Variants in KIAA1549L observed in about 807,000 individuals in gnomAD.
KIAA1549L encodes KIAA1549 like.
Under a neutral mutation model 160.7 loss-of-function variants are expected in KIAA1549L, and 88 were observed. The observed-to-expected ratio is 0.55, with a 90% CI of 0.46 to 0.65. The LOEUF is 0.65. Ranked by LOEUF, KIAA1549L falls within the 30% of genes least tolerant of loss-of-function variation. The pLI is 0.00. For synonymous variants in KIAA1549L, 950 were observed against 976.7 expected (o/e 0.97, Z 0.51); for missense variants, 2,258 against 2,437.5 (o/e 0.93, Z 1.55).
rs1356780860 is a variant in KIAA1549L, at chr11:33,384,727, T to TTCCATG, written c.238+7839_238+7840insCCATGT. Among the ~76,000 whole-genome samples the TTCCATG allele has an allele frequency of 1.2e-4, 18 of 152,284 alleles. No individual in the cohort carries two copies. In the East Asian group the frequency reaches 3.5e-3, roughly 29 times the overall value. On this transcript the variant is annotated intron_variant, in intron 1 of 20. Coordinates refer to ENST00000658780, the MANE Select transcript of KIAA1549L (RefSeq NM_012194.3). ...ACTAATAATTTTATTGTTGCATATC[T>TTCCATG]TTTCATGTTCTTACTTGCCATCTAT...
At chr11:33,661,112 C>T in intron 20 of KIAA1549L, 98 bp downstream of exon 20, 1 of 1,220,926 alleles carries the variant, frequency 8.2e-7, no homozygotes, top group Non-Finnish European at 1.1e-6. Context: ...TTTGTTATCT[C>T]AGCCTCCTCA....
At chr11:33,567,986 G>A (rs1855107457) in intron 8 of KIAA1549L, 90 bp from the exon 9 acceptor site, 4 of 1,349,128 alleles carry the variant, frequency 3.0e-6, no homozygotes, top group Non-Finnish European at 3.9e-6. Context: ...GTGGCCCTTG[G>A]TGGCCTGTGC....
At chr11:33,398,950 G>GTTTTT (rs71034680) in intron 1 of KIAA1549L, among the ~76,000 whole-genome samples, 1 of 140,012 alleles carries the variant, frequency 7.1e-6, no homozygotes, top group Non-Finnish European at 1.6e-5. Context: ...TCCAGTGAGT[G>GTTTTT]TTTTTTTTTT....
intron 15 of KIAA1549L, among the ~76,000 whole-genome samples, chr11:33,615,225 G>C (rs1323544836): frequency 2.0e-5 from 3 of 152,092 alleles, no homozygotes; most frequent in African/African-American, 7.2e-5. Flanking sequence ...GAGTTGCTCT[G>C]ATGGAAGCTG....
In KIAA1549L at chr11:33,544,054, C is replaced by T; in HGVS notation, c.2491C>T (p.His831Tyr). The T allele has an allele frequency of 6.2e-7, 1 of 1,613,998 alleles. No individual in the cohort carries two copies. The highest frequency in any genetic ancestry group is 8.5e-7 in the Non-Finnish European group (1 of 1,179,892). ...ACCCACAACTCGACATTCCGTGTCTCATCCTCAGCTACAGTTGCCCAACCA... is the reference window on the plus strand; with the variant it reads ...ACCCACAACTCGACATTCCGTGTCTTATCCTCAGCTACAGTTGCCCAACCA... The part of the protein sequence containing the change: ...YSPTTRHSVS[H>Y]PQLQLPNQPA... Residue 831 changes from histidine (H) to tyrosine (Y), a missense_variant, in exon 2 of 21, where the codon CAT (histidine) becomes TAT (tyrosine). Physicochemically the swap from His to Tyr is moderately conservative, Grantham distance 83 (BLOSUM62 2). Around this residue, in one of 6 missense-constraint regions of KIAA1549L, gnomAD observed 287 missense variants for 292.3 expected, o/e 0.98. Coordinates refer to ENST00000658780, the MANE Select transcript of KIAA1549L (RefSeq NM_012194.3).
In KIAA1549L at chr11:33,524,659, T is replaced by G. The variant is rs184007918; in HGVS notation, c.239-17143T>G. 3.2e-3 allele frequency among the ~76,000 whole-genome samples: 488 copies of G among 152,334 alleles called. 1 individual carries two copies. Among genetic ancestry groups the G allele is most frequent in the Non-Finnish European group, 5.2e-3 (353 of 68,028 alleles). On this transcript the variant is annotated intron_variant, in intron 1 of 20. Coordinates refer to ENST00000658780, the MANE Select transcript of KIAA1549L (RefSeq NM_012194.3). Reference sequence around the variant, plus strand: ...TGTTGGGAGAGTGTTAAAAATTCTTTGACTTAAAAAATATGTATAAAGGGT... The same window carrying G: ...TGTTGGGAGAGTGTTAAAAATTCTTGGACTTAAAAAATATGTATAAAGGGT...
rs986289864 is a variant in KIAA1549L at position 33,574,715 on chromosome 11, A to G, written c.4244A>G (p.Gln1415Arg). The G allele has an allele frequency of 2.5e-6, 4 of 1,610,444 alleles. No individual in the cohort carries two copies. Among genetic ancestry groups the G allele is most frequent in the Admixed American group, 3.4e-5 (2 of 59,520 alleles). The change falls in exon 10 of 21, where the codon CAG (glutamine) becomes CGG (arginine). Residue 1415 changes from glutamine (Q) to arginine (R), a missense_variant. Around this residue, in one of 6 missense-constraint regions of KIAA1549L, gnomAD observed 1,359 missense variants for 1,546.6 expected, o/e 0.88. Transcript: ENST00000658780. ...GSYTVQMVKMQRVPGPKDPAE... is the reference protein window; with the variant it reads ...GSYTVQMVKMRRVPGPKDPAE... ...TTTTTCCGAAAGATGGTGAAGATGCAGCGTGTCCCAGGCCCGAAGGACCCA... is the reference window on the plus strand; with the variant it reads ...TTTTTCCGAAAGATGGTGAAGATGCGGCGTGTCCCAGGCCCGAAGGACCCA...
intron 1 of KIAA1549L, among the ~76,000 whole-genome samples, chr11:33,467,058 C>T (rs142135395): frequency 7.9e-4 from 120 of 152,216 alleles, no homozygotes; most frequent in Non-Finnish European, 1.4e-3. Flanking sequence ...ACCTGGCACA[C>T]GTATACTTAT....
At chr11:33,446,672 T>C (rs1033157177) in intron 1 of KIAA1549L, among the ~76,000 whole-genome samples, 3 of 152,140 alleles carry the variant, frequency 2.0e-5, no homozygotes, top group African/African-American at 7.2e-5. Flanking sequence ...AGGATACTTT[T>C]TTTTTTTAAA....
At chr11:33,531,808 C>T (rs2133151467) in intron 1 of KIAA1549L, among the ~76,000 whole-genome samples, 1 of 152,306 alleles carries the variant, frequency 6.6e-6, no homozygotes, top group South Asian at 2.1e-4. Context: ...TGGGTGGATG[C>T]TTCAGCATAG....
At chr11:33,616,984 C>A (rs1391902832) in intron 15 of KIAA1549L, among the ~76,000 whole-genome samples, 2 of 151,778 alleles carry the variant, frequency 1.3e-5, no homozygotes, top group Admixed American at 1.3e-4. Context: ...ACAAAAATTA[C>A]AAAAAAATTA....
chr11:33,397,708 TCTCACACACACACACACACA>T (rs1335030884), intron 1 of KIAA1549L, among the ~76,000 whole-genome samples: 12 of 98,948 alleles, frequency 1.2e-4, no homozygotes, highest in African/African-American at 3.6e-4. Flanking sequence ...CGAGACTCCA[TCTCACACACACACACACACA>T]CACACACACA....
intron 1 of KIAA1549L, among the ~76,000 whole-genome samples, chr11:33,469,390 T>C (rs912819856): frequency 3.3e-5 from 5 of 152,132 alleles, no homozygotes; most frequent in Admixed American, 6.5e-5. Context: ...CTGAATACTA[T>C]GAATATAATG....
intron 1 of KIAA1549L, among the ~76,000 whole-genome samples, chr11:33,398,774 C>G (rs912125674): frequency 2.0e-5 from 3 of 152,184 alleles, no homozygotes; most frequent in African/African-American, 7.2e-5. Flanking sequence ...TTTACAAATA[C>G]ATTTGTAACC....
chr11:33,501,662 C>CT (rs1342027893), intron 1 of KIAA1549L, among the ~76,000 whole-genome samples: 17 of 152,068 alleles, frequency 1.1e-4, no homozygotes, highest in African/African-American at 4.1e-4. Flanking sequence ...AGATAATTAT[C>CT]TTTTTTTCTG....
intron 6 of KIAA1549L, among the ~76,000 whole-genome samples, chr11:33,558,366 A>G (rs1450043692): frequency 6.6e-6 from 1 of 152,140 alleles, no homozygotes; most frequent in Non-Finnish European, 1.5e-5. Flanking sequence ...CAGCTGCCTG[A>G]TGGGAGTGAG....
chr11:33,564,244 A>G (rs1262979693), intron 8 of KIAA1549L, among the ~76,000 whole-genome samples: 1 of 152,204 alleles, frequency 6.6e-6, no homozygotes, highest in Non-Finnish European at 1.5e-5. Flanking sequence ...CCAAAAGGGT[A>G]GAGGATAGGG....
At chr11:33,600,858 T>C (rs1590385533) in intron 13 of KIAA1549L, among the ~76,000 whole-genome samples, 1 of 152,166 alleles carries the variant, frequency 6.6e-6, no homozygotes, top group East Asian at 1.9e-4. Context: ...GAATACACAT[T>C]TGCAAAGTGA....
In KIAA1549L at chr11:33,547,865, G is replaced by A. The variant is rs757339435; in HGVS notation, c.3487G>A (p.Asp1163Asn). The change falls in exon 4 of 21, where the codon GAT (aspartate) becomes AAT (asparagine). Residue 1163 changes from aspartate (D) to asparagine (N), a missense_variant. Around this residue, in one of 6 missense-constraint regions of KIAA1549L, gnomAD observed 1,359 missense variants for 1,546.6 expected, o/e 0.88. Coordinates refer to ENST00000658780, the MANE Select transcript of KIAA1549L (RefSeq NM_012194.3). ...ATTGCGGAAGGCTTTCCACCAGAAC[G>A]ATGTCTCAGCTCACGTAAGTGCTTT... ...QALRKAFHQN[D>N]VSAHVDILEY... 6 of 1,611,124 alleles carry A rather than the reference G, an allele frequency of 3.7e-6. No homozygotes were observed. The East Asian group carries it at 8.9e-5, about 24-fold the overall frequency.
Sources: allele counts gnomAD v4.1 joint callset (sites outside exome capture counted in the v4.1 genomes callset), GRCh38; gene constraint gnomAD v4.1.1; regional missense constraint gnomAD v4.1.1; transcripts MANE v1.5; gene names NCBI Gene and HGNC (gene_info 2026-07-23, HGNC 2026-07-21).